Variants in BTBD9 observed in about 807,000 individuals in gnomAD.
The protein encoded by BTBD9 is BTB domain containing 9, also known as BTB/POZ domain-containing protein 9.
In BTBD9, 49 loss-of-function variants were observed where a neutral mutation model predicts 64.3. The ratio of observed to expected loss-of-function variants is 0.76; its 90% confidence interval spans 0.61 to 0.97. The LOEUF (loss-of-function observed/expected upper bound fraction) is 0.97. BTBD9 is among the 50% of genes least tolerant of loss of function. The pLI is 0.00. For synonymous variants in BTBD9, 260 were observed against 274.7 expected (o/e 0.95, Z 0.53); for missense variants, 598 against 762.1 (o/e 0.78, Z 2.53).
At chr6:38,522,809 T>A (rs1206694565) in intron 6 of BTBD9, among the ~76,000 whole-genome samples, 1 of 152,140 alleles carries the variant, frequency 6.6e-6, no homozygotes, top group Non-Finnish European at 1.5e-5. Context: ...CACAGACAGC[T>A]CCCTATTCTA....
intron 6 of BTBD9, among the ~76,000 whole-genome samples, chr6:38,461,733 C>T (rs1770095051): frequency 6.6e-6 from 1 of 152,128 alleles, no homozygotes; most frequent in African/African-American, 2.4e-5. Context: ...TTTTAGGAAA[C>T]TGCCAAGCTG....
chr6:38,297,888 T>G (rs1409638756), intron 7 of BTBD9, among the ~76,000 whole-genome samples: 1 of 151,240 alleles, frequency 6.6e-6, no homozygotes, highest in Non-Finnish European at 1.5e-5. Flanking sequence ...TCGCCCAGGC[T>G]GCAGTGCAGT....
intron 6 of BTBD9, among the ~76,000 whole-genome samples, chr6:38,569,253 T>C (rs1025545123): frequency 4.6e-5 from 7 of 152,218 alleles, no homozygotes; most frequent in Non-Finnish European, 1.0e-4. Flanking sequence ...CTGTGTCTTG[T>C]TCATCTTTTT....
intron 6 of BTBD9, among the ~76,000 whole-genome samples, chr6:38,545,839 CACACACACACACACAT>C (rs1396554303): frequency 9.0e-5 from 10 of 110,922 alleles, no homozygotes; most frequent in African/African-American, 2.6e-4. Flanking sequence ...ATATTTAAAA[CACACACACACACACAT>C]ACACACACAC....
At chr6:38,206,137 G>A (rs1354078129) in intron 9 of BTBD9, among the ~76,000 whole-genome samples, 1 of 151,828 alleles carries the variant, frequency 6.6e-6, no homozygotes, top group Non-Finnish European at 1.5e-5. Flanking sequence ...GTGTTGCTCT[G>A]ACAACACAAA....
intron 8 of BTBD9, among the ~76,000 whole-genome samples, chr6:38,274,835 G>A (rs12177785): frequency 0.7 from 106,838 of 151,810 alleles, 38,298 homozygotes; most frequent in African/African-American, 0.83. Flanking sequence ...TTGGTCTAAA[G>A]TTCTCTTTGT....
chr6:38,411,359 G>A (rs1268182275), intron 6 of BTBD9, among the ~76,000 whole-genome samples: 1 of 152,160 alleles, frequency 6.6e-6, no homozygotes, highest in Non-Finnish European at 1.5e-5. Flanking sequence ...ACTGCTCAGT[G>A]GTGTGGAGTA....
intron 6 of BTBD9, among the ~76,000 whole-genome samples, chr6:38,368,083 T>A (rs1765254748): frequency 6.6e-6 from 1 of 152,190 alleles, no homozygotes; most frequent in Non-Finnish European, 1.5e-5. Flanking sequence ...CACCTCTTAC[T>A]CCACACCAAT....
chr6:38,455,579 T>C (rs770025668), intron 6 of BTBD9, among the ~76,000 whole-genome samples: 1 of 152,244 alleles, frequency 6.6e-6, no homozygotes, highest in Non-Finnish European at 1.5e-5. Context: ...TACATGCTGT[T>C]GTGTGTGTAA....
At chr6:38,438,805 T>C (rs1415085763) in intron 6 of BTBD9, among the ~76,000 whole-genome samples, 1 of 152,164 alleles carries the variant, frequency 6.6e-6, no homozygotes, top group East Asian at 1.9e-4. Flanking sequence ...TGGTGATCAA[T>C]ACTATGCAGA....
At chr6:38,326,498 C>T (rs1274872371) in intron 7 of BTBD9, among the ~76,000 whole-genome samples, 2 of 152,006 alleles carry the variant, frequency 1.3e-5, no homozygotes, top group African/African-American at 4.8e-5. Flanking sequence ...GACATGAGAC[C>T]AGTAAGTAGA....
intron 6 of BTBD9, among the ~76,000 whole-genome samples, chr6:38,553,950 T>C (rs142632186): frequency 1.6e-3 from 239 of 152,258 alleles, no homozygotes; most frequent in African/African-American, 5.4e-3. Flanking sequence ...ACTGGACACA[T>C]GAAAGACATT....
At position 38,189,575 on chromosome 6, in the gene BTBD9, C is replaced by T. The variant is rs566312151; in HGVS notation, c.1641+2944G>A. Among the ~76,000 whole-genome samples, 22 of 152,236 alleles carry T rather than the reference C, an allele frequency of 1.4e-4. No individual in the cohort carries two copies. The South Asian group carries it at 4.4e-3, about 30-fold the overall frequency. On this transcript the variant is annotated intron_variant, in intron 10 of 10. Transcript: ENST00000481247. ...GCATAATCATAGCTCACTGCAGCCT[C>T]GAACTCCTAGGCCCAAGCGATCCTC...
chr6:38,438,724 A>G (rs966180199), intron 6 of BTBD9, among the ~76,000 whole-genome samples: 2 of 151,384 alleles, frequency 1.3e-5, no homozygotes, highest in African/African-American at 4.8e-5. Context: ...AGAGAGCTTC[A>G]TTTTAGTGGG....
chr6:38,626,165 T>C, intron 1 of BTBD9, among the ~76,000 whole-genome samples: 1 of 152,344 alleles, frequency 6.6e-6, no homozygotes, highest in Non-Finnish European at 1.5e-5. Flanking sequence ...AAAATTTTAT[T>C]ATTTAATTTT....
intron 1 of BTBD9, among the ~76,000 whole-genome samples, chr6:38,601,476 G>A (rs1415598557): frequency 6.6e-6 from 1 of 152,112 alleles, no homozygotes; most frequent in Non-Finnish European, 1.5e-5. Context: ...GGGAGGCTAA[G>A]ATATGCAGAT....
intron 1 of BTBD9, among the ~76,000 whole-genome samples, chr6:38,618,105 T>C (rs1777851503): frequency 2.0e-5 from 3 of 152,032 alleles, no homozygotes; most frequent in African/African-American, 7.2e-5. Context: ...TGGGGAAAAA[T>C]ACAGACCAAA....
At chr6:38,500,147 T>C (rs1022544360) in intron 6 of BTBD9, among the ~76,000 whole-genome samples, 10 of 151,674 alleles carry the variant, frequency 6.6e-5, no homozygotes, top group East Asian at 3.9e-4. Context: ...GAAAGAGAGA[T>C]AGAATCTCTT....
intron 9 of BTBD9, among the ~76,000 whole-genome samples, chr6:38,209,640 T>A (rs1762765507): frequency 1.3e-5 from 2 of 152,186 alleles, no homozygotes; most frequent in Admixed American, 6.5e-5. Flanking sequence ...GAGTCCTTTT[T>A]AAATTCCTCA....
Sources: allele counts gnomAD v4.1 joint callset (sites outside exome capture counted in the v4.1 genomes callset), GRCh38; gene constraint gnomAD v4.1.1; transcripts MANE v1.5; gene names NCBI Gene and HGNC (gene_info 2026-07-23, HGNC 2026-07-21).